RGS17: variants seen among roughly 807,000 people sequenced by gnomAD.
The protein encoded by RGS17 is regulator of G-protein signaling 17.
Under a neutral mutation model 25.5 loss-of-function variants are expected in RGS17, and 12 were observed. The ratio of observed to expected loss-of-function variants is 0.47; its 90% CI spans 0.30 to 0.76. The LOEUF (loss-of-function observed/expected upper bound fraction) is 0.76, where lower values mean the gene tolerates loss of function less well. Ranked by LOEUF, RGS17 falls within the 30% of genes least tolerant of loss-of-function variation. The pLI is 0.07. For missense variants in RGS17, 196 were observed against 242.2 expected (o/e 0.81, Z 1.27); for synonymous variants, 71 against 76.9 (o/e 0.92, Z 0.40).
intron 2 of RGS17, among the ~76,000 whole-genome samples, chr6:153,030,494 A>G (rs1779350442): frequency 6.6e-6 from 1 of 152,234 alleles, no homozygotes; most frequent in Non-Finnish European, 1.5e-5. Flanking sequence ...AATTTAATAC[A>G]GTGTGACATC....
intron 1 of RGS17, among the ~76,000 whole-genome samples, chr6:153,087,983 G>T (rs1391616244): frequency 6.6e-6 from 1 of 152,144 alleles, no homozygotes; most frequent in African/African-American, 2.4e-5. Context: ...TTGCTTCCAA[G>T]GTTAGGTTAT....
rs189940872 is a variant in RGS17 at position 153,106,934 on chromosome 6, G to A, written c.-26+24190C>T. On this transcript the variant is annotated intron_variant, in intron 1 of 4. Coordinates refer to ENST00000206262, the MANE Select transcript of RGS17 (RefSeq NM_012419.5). ...TAGGCGTCAGCCACCGTGCCTGGCT[G>A]TATGTATAATTCTCTGTCATACTAG... Among the ~76,000 whole-genome samples the A allele has an allele frequency of 2.2e-3, 335 of 151,998 alleles. 2 individuals are homozygous for A. Among genetic ancestry groups the A allele is most frequent in the African/African-American group, 6.9e-3 (286 of 41,468 alleles).
intron 4 of RGS17, among the ~76,000 whole-genome samples, chr6:153,020,703 A>G (rs529926913): frequency 8.5e-5 from 13 of 152,322 alleles, no homozygotes; most frequent in African/African-American, 3.1e-4. Flanking sequence ...TAACAGTAAA[A>G]TCATGACAAT....
rs561937836 is a variant in RGS17 at position 153,110,953 on chromosome 6, A to G, written c.-26+20171T>C. ...GTCTTCACAACCCGCAGACCAGGAG[A>G]TTCCCTCAGGTGCCTACACCACCAG... On this transcript the variant is annotated intron_variant, in intron 1 of 4. Transcript: ENST00000206262. 4.6e-5 allele frequency among the ~76,000 whole-genome samples: 7 copies of G among 152,158 alleles called. No individual in the cohort carries two copies. The South Asian group carries it at 1.5e-3, about 32-fold the overall frequency.
At chr6:153,070,673 T>TTGTGTGTGTG (rs55655703) in intron 1 of RGS17, among the ~76,000 whole-genome samples, 3,881 of 144,966 alleles carry the variant, frequency 0.027, 99 homozygotes, top group East Asian at 0.14. Context: ...ACATGGAAGA[T>TTGTGTGTGTG]TGTGTGTGTG....
At chr6:153,070,213 A>C (rs1190009025) in intron 1 of RGS17, among the ~76,000 whole-genome samples, 2 of 151,978 alleles carry the variant, frequency 1.3e-5, no homozygotes, top group African/African-American at 4.8e-5. Flanking sequence ...GTAAAATGAC[A>C]AGTTGTTTTC....
intron 1 of RGS17, among the ~76,000 whole-genome samples, chr6:153,062,747 G>A (rs1046714650): frequency 1.3e-5 from 2 of 152,082 alleles, no homozygotes; most frequent in Non-Finnish European, 2.9e-5. Context: ...TTCCACTTGA[G>A]GAGAGGAGAG....
At chr6:153,042,287 C>T (rs1427439402) in intron 2 of RGS17, among the ~76,000 whole-genome samples, 2 of 152,156 alleles carry the variant, frequency 1.3e-5, no homozygotes, top group African/African-American at 2.4e-5. Flanking sequence ...GCCGTGTCCC[C>T]ACCCAAATCT....
chr6:153,082,365 G>A lies in RGS17; in HGVS notation c.-25-38322C>T, dbSNP rs9397131. On this transcript the variant is annotated intron_variant, in intron 1 of 4. Transcript: ENST00000206262. ...ACATATATGTTACACAGCTTGACAC[G>A]GAGGCTGTGTCAATTTTCATTTCAG... Among the ~76,000 whole-genome samples the A allele has an allele frequency of 1.5e-4, 23 of 152,136 alleles. No individual in the cohort carries two copies. In the East Asian group the frequency reaches 3.9e-3, roughly 26 times the overall value.
chr6:153,093,573 A>C (rs557274025), intron 1 of RGS17, among the ~76,000 whole-genome samples: 3 of 152,208 alleles, frequency 2.0e-5, no homozygotes, highest in South Asian at 4.1e-4. Context: ...TGAGGACTAA[A>C]CAAGGGAAAA....
At chr6:153,093,362 G>A (rs555224095) in intron 1 of RGS17, among the ~76,000 whole-genome samples, 35 of 152,256 alleles carry the variant, frequency 2.3e-4, no homozygotes, top group African/African-American at 7.9e-4. Context: ...CTCCAAGGAT[G>A]ACTTCTCACT....
rs562952425 is a variant in RGS17 at position 153,072,433 on chromosome 6, T to C, written c.-25-28390A>G. ...CTTCTTTTATTGAGGAGTTTTTACA[T>C]AGATTGTCATACAACTCTCGTAACA... On this transcript the variant is annotated intron_variant, in intron 1 of 4. Transcript: ENST00000206262. Among the ~76,000 whole-genome samples the C allele has an allele frequency of 5.3e-5, 8 of 152,318 alleles. No homozygotes were observed. The South Asian group carries it at 8.3e-4, about 16-fold the overall frequency.
chr6:153,037,226 G>C (rs1776260156), intron 2 of RGS17, among the ~76,000 whole-genome samples: 1 of 150,404 alleles, frequency 6.6e-6, no homozygotes. Context: ...ACACACAGGA[G>C]CATGAAGAAA....
At chr6:153,110,106 G>A (rs1354874036) in intron 1 of RGS17, among the ~76,000 whole-genome samples, 9 of 152,200 alleles carry the variant, frequency 5.9e-5, no homozygotes, top group Non-Finnish European at 8.8e-5. Flanking sequence ...TGATAATTTT[G>A]CTTTTCACGG....
intron 1 of RGS17, among the ~76,000 whole-genome samples, chr6:153,073,868 T>C (rs559544755): frequency 1.7e-4 from 26 of 152,236 alleles, no homozygotes; most frequent in Non-Finnish European, 3.1e-4. Flanking sequence ...CAGGGGCAAA[T>C]GGTGGATATC....
At chr6:153,061,638 A>G (rs1776638603) in intron 1 of RGS17, among the ~76,000 whole-genome samples, 1 of 152,254 alleles carries the variant, frequency 6.6e-6, no homozygotes. Context: ...ACAGCTGTGG[A>G]AATTCAATAC....
At chr6:153,038,461 G>A (rs527562281) in intron 2 of RGS17, among the ~76,000 whole-genome samples, 30 of 152,332 alleles carry the variant, frequency 2.0e-4, no homozygotes, top group Non-Finnish European at 2.8e-4. Flanking sequence ...GGAGACTTCC[G>A]TATTGCTACT....
chr6:153,018,527 A>T (rs1016473504), intron 4 of RGS17, among the ~76,000 whole-genome samples: 2 of 152,208 alleles, frequency 1.3e-5, no homozygotes, highest in African/African-American at 4.8e-5. Context: ...AAAGTAATTA[A>T]TAATAATTGA....
intron 1 of RGS17, among the ~76,000 whole-genome samples, chr6:153,085,424 C>T (rs1372784473): frequency 6.6e-6 from 1 of 152,150 alleles, no homozygotes; most frequent in Admixed American, 6.5e-5. Context: ...GACCCTTGTG[C>T]CATAACATGT....
Sources: allele counts gnomAD v4.1 joint callset (sites outside exome capture counted in the v4.1 genomes callset), GRCh38; gene constraint gnomAD v4.1.1; transcripts MANE v1.5; gene names NCBI Gene and HGNC (gene_info 2026-07-23, HGNC 2026-07-21).